The following NEBL variants were observed in gnomAD, a reference collection of about 807,000 sequenced individuals.
NEBL encodes the protein LIM and SH3 protein 2.
Under a neutral mutation model 140.2 loss-of-function variants are expected in NEBL, and 122 were observed. That is an observed-to-expected ratio of 0.87 (90% CI 0.75 to 1.01). The LOEUF (loss-of-function observed/expected upper bound fraction) is 1.01, where lower values mean the gene tolerates loss of function less well. Among genes scored for constraint, NEBL ranks in the 50% least tolerant of loss-of-function variants. The pLI, the probability that NEBL is intolerant of heterozygous loss-of-function variation, is 0.00. For missense variants in NEBL, 1,365 were observed against 1,231.3 expected (o/e 1.11, Z -1.62); for synonymous variants, 436 against 398.9 (o/e 1.09, Z -1.11).
chr10:21,091,079 G>C (rs183527392), intron 2 of NEBL, among the ~76,000 whole-genome samples: 1 of 151,754 alleles, frequency 6.6e-6, no homozygotes, highest in Admixed American at 6.6e-5. Flanking sequence ...AACCTCTCTC[G>C]GATTCGTCTG....
At chr10:20,990,129 C>T (rs1243503700) in intron 3 of NEBL, among the ~76,000 whole-genome samples, 1 of 151,956 alleles carries the variant, frequency 6.6e-6, no homozygotes, top group Non-Finnish European at 1.5e-5. Context: ...ATTTTGATAA[C>T]TATATTTTAA....
chr10:21,278,513 G>A (rs1189622800), intron 1 of NEBL, among the ~76,000 whole-genome samples: 2 of 152,190 alleles, frequency 1.3e-5, no homozygotes, highest in Non-Finnish European at 2.9e-5. Flanking sequence ...AACTGCTAGG[G>A]CTGGGAGGAG....
intron 2 of NEBL, among the ~76,000 whole-genome samples, chr10:21,044,634 A>G (rs181109949): frequency 1.9e-4 from 29 of 152,264 alleles, no homozygotes; most frequent in African/African-American, 6.3e-4. Context: ...AGATTTCCAA[A>G]CAAATCCATT....
At chr10:21,095,830 T>G (rs968193956) in intron 2 of NEBL, among the ~76,000 whole-genome samples, 1 of 152,176 alleles carries the variant, frequency 6.6e-6, no homozygotes, top group South Asian at 2.1e-4. Flanking sequence ...GCCTCCCTCA[T>G]CCATGAGTCC....
At chr10:21,146,644 A>C in intron 2 of NEBL, 1 of 631,530 alleles carries the variant, frequency 1.6e-6, no homozygotes, top group South Asian at 2.1e-5. Flanking sequence ...AGATTTGTTG[A>C]CTGATTATGA....
At chr10:21,170,673 G>A (rs1841032158) in intron 2 of NEBL, 1 of 152,578 alleles carries the variant, frequency 6.6e-6, no homozygotes, top group African/African-American at 2.4e-5. Context: ...CCTGAATTCT[G>A]TTCAATGCCC....
intron 2 of NEBL, among the ~76,000 whole-genome samples, chr10:21,067,382 A>G (rs1029060024): frequency 6.6e-6 from 1 of 152,240 alleles, no homozygotes; most frequent in African/African-American, 2.4e-5. Context: ...ATTCATTAAG[A>G]AACAAGAGAA....
chr10:20,933,494 G>A (rs1253294044), intron 4 of NEBL, among the ~76,000 whole-genome samples: 1 of 152,202 alleles, frequency 6.6e-6, no homozygotes, highest in African/African-American at 2.4e-5. Context: ...AGCACTTTGG[G>A]AGGACAAGGC....
intron 1 of NEBL, among the ~76,000 whole-genome samples, chr10:21,288,822 A>G (rs369748219): frequency 0.23 from 16,403 of 70,292 alleles, 2,188 homozygotes; most frequent in African/African-American, 0.28. Context: ...GTGTGTGTGT[A>G]TATATATATA....
chr10:21,097,467 T>C (rs1837246063), intron 2 of NEBL, among the ~76,000 whole-genome samples: 1 of 152,028 alleles, frequency 6.6e-6, no homozygotes, highest in African/African-American at 2.4e-5. Context: ...CCCAAAAAAA[T>C]ACATAAATAA....
chr10:21,184,823 T>C (rs1236184844), intron 3 of NEBL, among the ~76,000 whole-genome samples: 1 of 152,278 alleles, frequency 6.6e-6, no homozygotes, highest in Non-Finnish European at 1.5e-5. Flanking sequence ...ATATCATTTT[T>C]TGTTAATTTT....
At chr10:21,286,756 G>A (rs568578361) in intron 1 of NEBL, among the ~76,000 whole-genome samples, 7 of 152,122 alleles carry the variant, frequency 4.6e-5, no homozygotes, top group South Asian at 2.1e-4. Context: ...ATGGCGTGAC[G>A]TGAACTTGGG....
At chr10:21,233,439 T>G (rs906011018) in intron 3 of NEBL, among the ~76,000 whole-genome samples, 1 of 151,864 alleles carries the variant, frequency 6.6e-6, no homozygotes, top group East Asian at 1.9e-4. Context: ...TACTTATAAT[T>G]TGGGAAGGAC....
chr10:21,072,636 C>A (rs569972897), intron 2 of NEBL, among the ~76,000 whole-genome samples: 3 of 152,338 alleles, frequency 2.0e-5, no homozygotes, highest in African/African-American at 7.2e-5. Context: ...GGCCAGTCCC[C>A]ACCAGCAGCT....
chr10:21,243,400 A>G (rs1842468142), intron 3 of NEBL, among the ~76,000 whole-genome samples: 1 of 147,914 alleles, frequency 6.8e-6, no homozygotes, highest in African/African-American at 2.5e-5. Context: ...TCTGCCTCCC[A>G]GGTTCAAGCA....
At chr10:20,976,077 G>A (rs1836784747) in intron 3 of NEBL, among the ~76,000 whole-genome samples, 1 of 152,060 alleles carries the variant, frequency 6.6e-6, no homozygotes, top group South Asian at 2.1e-4. Flanking sequence ...GCTCACACCT[G>A]TAATCCCAGC....
intron 4 of NEBL, among the ~76,000 whole-genome samples, chr10:20,919,709 T>C (rs1202907885): frequency 6.6e-6 from 1 of 152,006 alleles, no homozygotes; most frequent in African/African-American, 2.4e-5. Flanking sequence ...ATGCAGAATA[T>C]GAAACCGTGG....
intron 4 of NEBL, among the ~76,000 whole-genome samples, chr10:20,943,021 G>A (rs1834965988): frequency 6.6e-6 from 1 of 152,214 alleles, no homozygotes; most frequent in South Asian, 2.1e-4. Flanking sequence ...CATTGTGGAA[G>A]TCAGTGTGGT....
At chr10:21,096,745 T>C (rs1412399224) in intron 2 of NEBL, among the ~76,000 whole-genome samples, 1 of 152,120 alleles carries the variant, frequency 6.6e-6, no homozygotes, top group Non-Finnish European at 1.5e-5. Context: ...ATACTCCTGG[T>C]CTCAAGCAAT....
Sources: gnomAD v4.1 joint callset for allele counts (sites outside exome capture counted in the v4.1 genomes callset) on GRCh38, gnomAD v4.1.1 for gene constraint, MANE v1.5 for transcripts, NCBI Gene and HGNC (gene_info 2026-07-23, HGNC 2026-07-21) for gene names.